The following PRKN variants were observed in gnomAD, a reference collection of about 807,000 sequenced individuals.
PRKN encodes E3 ubiquitin-protein ligase parkin.
In PRKN, 56 loss-of-function variants were observed where a neutral mutation model predicts 59.5. The ratio of observed to expected loss-of-function variants is 0.94; its 90% CI spans 0.76 to 1.18. The LOEUF is 1.18. PRKN is among the 50% of genes most tolerant of loss of function. The pLI is 0.00. For synonymous variants in PRKN, 250 were observed against 222.1 expected (o/e 1.13, Z -1.12); for missense variants, 657 against 596.4 (o/e 1.10, Z -1.06).
chr6:162,601,871 G>GT (rs1781727077), intron 1 of PRKN, among the ~76,000 whole-genome samples: 1 of 152,092 alleles, frequency 6.6e-6, no homozygotes, highest in Admixed American at 6.6e-5. Context: ...TGAATTTATC[G>GT]TATCTTTAAC....
At chr6:162,518,615 C>G (rs1777963101) in intron 1 of PRKN, among the ~76,000 whole-genome samples, 1 of 152,140 alleles carries the variant, frequency 6.6e-6, no homozygotes, top group Non-Finnish European at 1.5e-5. Flanking sequence ...GATCCGCCCA[C>G]CTTGGGATAC....
intron 7 of PRKN, among the ~76,000 whole-genome samples, chr6:161,750,751 G>A (rs899959856): frequency 1.5e-4 from 22 of 149,750 alleles, no homozygotes; most frequent in African/African-American, 5.2e-4. Flanking sequence ...TGGGCAACAA[G>A]TGTGAAACTC....
chr6:162,273,481 C>CA (rs969061238), intron 2 of PRKN, among the ~76,000 whole-genome samples: 1 of 151,852 alleles, frequency 6.6e-6, no homozygotes, highest in Non-Finnish European at 1.5e-5. Flanking sequence ...TCCTTTAGTA[C>CA]AAAAAAAGGA....
intron 1 of PRKN, among the ~76,000 whole-genome samples, chr6:162,453,251 C>T (rs1298411713): frequency 2.0e-5 from 3 of 152,168 alleles, no homozygotes; most frequent in Non-Finnish European, 4.4e-5. Context: ...GAGGACATCG[C>T]GCATAGCCTC....
At chr6:162,334,813 G>A (rs1439230395) in intron 2 of PRKN, among the ~76,000 whole-genome samples, 7 of 152,104 alleles carry the variant, frequency 4.6e-5, no homozygotes, top group Non-Finnish European at 8.8e-5. Flanking sequence ...ATGATTCATG[G>A]GAAGAGGTCA....
At position 162,041,179 on chromosome 6, in the gene PRKN, T is replaced by C. The variant is rs550482801; in HGVS notation, c.618+12912A>G. Among the ~76,000 whole-genome samples the C allele has an allele frequency of 9.5e-4, 144 of 152,114 alleles. 1 individual carries two copies. The highest frequency in any genetic ancestry group is 8.4e-3 in the Admixed American group (129 of 15,280). On this transcript the variant is annotated intron_variant, in intron 5 of 11. Coordinates refer to ENST00000366898, the MANE Select transcript of PRKN (RefSeq NM_004562.3). The stretch of plus-strand genomic sequence containing the variant: ...CAGCCTAGGTGACAGAGTGAGACTC[T>C]GTCTCAAAAAAATAAAAAATAAAAA...
chr6:162,246,000 T>A (rs1437732978), intron 3 of PRKN, among the ~76,000 whole-genome samples: 1 of 152,196 alleles, frequency 6.6e-6, no homozygotes, highest in African/African-American at 2.4e-5. Flanking sequence ...TGATTCTCTA[T>A]CTTCTTTTGA....
chr6:161,968,983 G>A (rs940969973), intron 6 of PRKN, among the ~76,000 whole-genome samples: 11 of 152,136 alleles, frequency 7.2e-5, no homozygotes, highest in Non-Finnish European at 1.3e-4. Context: ...ATAAGCCAGT[G>A]AGAAATTCTT....
At chr6:162,121,760 A>G (rs1316027473) in intron 4 of PRKN, among the ~76,000 whole-genome samples, 1 of 152,214 alleles carries the variant, frequency 6.6e-6, no homozygotes, top group Non-Finnish European at 1.5e-5. Context: ...GGCCTGCTGC[A>G]TCTCTGCTGG....
intron 3 of PRKN, among the ~76,000 whole-genome samples, chr6:162,206,228 C>T (rs922333258): frequency 1.1e-4 from 16 of 152,146 alleles, no homozygotes; most frequent in African/African-American, 3.9e-4. Context: ...TGAAATCTGA[C>T]CCATATGCTC....
chr6:162,339,105 C>T (rs1292449840), intron 2 of PRKN, among the ~76,000 whole-genome samples: 8 of 149,086 alleles, frequency 5.4e-5, no homozygotes, highest in Non-Finnish European at 1.2e-4. Flanking sequence ...GCAGCCGCCC[C>T]GTCTGAGAAG....
intron 2 of PRKN, among the ~76,000 whole-genome samples, chr6:162,313,847 T>A (rs911912907): frequency 6.6e-6 from 1 of 152,172 alleles, no homozygotes; most frequent in Admixed American, 6.5e-5. Context: ...TGTTTCCACC[T>A]TTTGGCCATT....
Position 161,361,429 on chromosome 6 carries a change from A to G in PRKN, c.1168-1224T>C, listed in dbSNP as rs2114863105. On this transcript the variant is annotated intron_variant, in intron 10 of 11. Coordinates refer to ENST00000366898, the MANE Select transcript of PRKN (RefSeq NM_004562.3). This position sits in a 1 kb window ranked among gnomAD's most constrained non-coding sequence, Gnocchi z 5.2. The stretch of plus-strand genomic sequence containing the variant: ...ATCTGGTACACAGCAGGCGATCAGT[A>G]CATTTCAGGCAAGTGAATGAATGAA... Among the ~76,000 whole-genome samples, 1 of 152,336 alleles carries G rather than the reference A, an allele frequency of 6.6e-6. No homozygotes were observed. Among genetic ancestry groups the G allele is most frequent in the Middle Eastern group, 3.4e-3 (1 of 294 alleles).
chr6:162,354,783 T>C (rs1201789679), intron 2 of PRKN, among the ~76,000 whole-genome samples: 1 of 152,122 alleles, frequency 6.6e-6, no homozygotes, highest in East Asian at 1.9e-4. Context: ...CTTTACTGTG[T>C]CTATCAACCA....
At chr6:162,406,319 C>T (rs1218003266) in intron 2 of PRKN, among the ~76,000 whole-genome samples, 1 of 152,158 alleles carries the variant, frequency 6.6e-6, no homozygotes, top group Non-Finnish European at 1.5e-5. Flanking sequence ...AAGAGTCCAA[C>T]TCTAGAATCC....
intron 7 of PRKN, among the ~76,000 whole-genome samples, chr6:161,687,719 G>A (rs1310687041): frequency 6.6e-6 from 1 of 151,898 alleles, no homozygotes; most frequent in Non-Finnish European, 1.5e-5. Context: ...GCCTCTCAAA[G>A]TGCTGGGATT....
chr6:161,829,394 A>C (rs1462309826), intron 6 of PRKN, among the ~76,000 whole-genome samples: 1 of 152,036 alleles, frequency 6.6e-6, no homozygotes, highest in Non-Finnish European at 1.5e-5. Context: ...GTTTCGTGAC[A>C]GTTTTGTTTT....
chr6:161,424,347 A>AG (rs1328225469), intron 9 of PRKN, among the ~76,000 whole-genome samples: 1 of 151,988 alleles, frequency 6.6e-6, no homozygotes, highest in African/African-American at 2.4e-5. Flanking sequence ...AAAAAAAAAA[A>AG]AAAAAAAAAG....
At chr6:161,772,014 G>A (rs772941799) in intron 7 of PRKN, among the ~76,000 whole-genome samples, 9 of 152,118 alleles carry the variant, frequency 5.9e-5, no homozygotes, top group Admixed American at 2.0e-4. Flanking sequence ...CACAGTTACC[G>A]AATGTGTGTG....
Sources: gnomAD v4.1 joint callset for allele counts (sites outside exome capture counted in the v4.1 genomes callset) on GRCh38, gnomAD v4.1.1 for gene constraint, Gnocchi (gnomAD v3.1) non-coding constraint, MANE v1.5 for transcripts, NCBI Gene and HGNC (gene_info 2026-07-23, HGNC 2026-07-21) for gene names.